EYA1: variants seen among roughly 807,000 people sequenced by gnomAD.
EYA1 encodes the protein EYA transcriptional coactivator and phosphatase 1.
A neutral mutation model predicts 82.0 loss-of-function variants in EYA1; 16 were observed. The ratio of observed to expected loss-of-function variants is 0.20; its 90% CI spans 0.13 to 0.30. EYA1 has a LOEUF of 0.30. EYA1 is among the 10% of genes least tolerant of loss of function. The pLI is 1.00. For missense variants in EYA1, 633 were observed against 730.7 expected (o/e 0.87, Z 1.54); for synonymous variants, 261 against 264.4 (o/e 0.99, Z 0.12).
At chr8:71,242,983 G>A (rs1475028707) in intron 12 of EYA1, among the ~76,000 whole-genome samples, 1 of 151,926 alleles carries the variant, frequency 6.6e-6, no homozygotes, top group African/African-American at 2.4e-5. Context: ...TCTCCATGTT[G>A]GTCGGGATGG....
chr8:71,497,206 T>C (rs1811478515), intron 2 of EYA1, among the ~76,000 whole-genome samples: 1 of 152,188 alleles, frequency 6.6e-6, no homozygotes, highest in African/African-American at 2.4e-5. Flanking sequence ...TAAAGATAGC[T>C]GATGAGCTAA....
intron 2 of EYA1, among the ~76,000 whole-genome samples, chr8:71,535,228 T>G (rs1814623496): frequency 6.6e-6 from 1 of 152,228 alleles, no homozygotes; most frequent in Admixed American, 6.5e-5. Flanking sequence ...GAACCCTTTC[T>G]CTTCTGCTCA....
At position 71,536,128 on chromosome 8, in the gene EYA1, T is replaced by G. The variant is rs149931983; in HGVS notation, c.-72-280A>C. Among the ~76,000 whole-genome samples the G allele has an allele frequency of 7.2e-3, 1,104 of 152,278 alleles. 19 individuals carry two copies. The highest frequency in any genetic ancestry group is 0.025 in the African/African-American group (1,047 of 41,566). ...GGGAGGCAGGGGGAGCAGCTAAAGA[T>G]CCTTCCGCACACATTATTTTTGAGC... On this transcript the variant is annotated intron_variant, in intron 1 of 18. Transcript: ENST00000643681.
chr8:71,360,470 C>T (rs996444724), intron 1 of EYA1, among the ~76,000 whole-genome samples: 1 of 152,142 alleles, frequency 6.6e-6, no homozygotes, highest in Non-Finnish European at 1.5e-5. Context: ...CCATTTGGCC[C>T]TCTAAAACTG....
At chr8:71,333,578 TTC>T (rs986609237) in intron 4 of EYA1, among the ~76,000 whole-genome samples, 1 of 152,240 alleles carries the variant, frequency 6.6e-6, no homozygotes, top group African/African-American at 2.4e-5. Context: ...AACTTGGATA[TTC>T]TGTTTATTGG....
intron 9 of EYA1, among the ~76,000 whole-genome samples, chr8:71,276,881 A>T (rs1184639607): frequency 1.3e-5 from 2 of 152,064 alleles, no homozygotes; most frequent in African/African-American, 4.8e-5. Flanking sequence ...CAGTTTTTTC[A>T]TTTGTAAAAC....
intron 2 of EYA1, among the ~76,000 whole-genome samples, chr8:71,377,809 G>A (rs1192229135): frequency 6.6e-6 from 1 of 152,056 alleles, no homozygotes; most frequent in Non-Finnish European, 1.5e-5. Flanking sequence ...GACTTTGCTA[G>A]GTACCTCACA....
rs997516979 is a variant in EYA1 at position 71,491,907 on chromosome 8, AT to A, written c.33+43836del. Among the ~76,000 whole-genome samples, 651 of 148,780 alleles carry A rather than the reference AT, an allele frequency of 4.4e-3. 3 individuals are homozygous for A. The highest frequency in any genetic ancestry group is 0.014 in the African/African-American group (571 of 40,758). On this transcript the variant is annotated intron_variant, in intron 2 of 18. Transcript: ENST00000643681. ...ATACGGGTATTTAATTAAAATGTAG[AT>A]TTTTTTTTTTAACTTAAGAAGCAAA...
At position 71,484,038 on chromosome 8, in the gene EYA1, T is replaced by C. The variant is rs143132992; in HGVS notation, c.33+51706A>G. 1.3e-3 allele frequency among the ~76,000 whole-genome samples: 193 copies of C among 152,318 alleles called. 1 individual carries two copies. The highest frequency in any genetic ancestry group is 1.8e-3 in the Non-Finnish European group (124 of 68,026). ...TTCACAGACCTGCACAAGCAGCTAC[T>C]GAATTACACTCAGGCCACAGGAGCC... On this transcript the variant is annotated intron_variant, in intron 2 of 18. Coordinates refer to the EYA1 transcript ENST00000643681.
chr8:71,242,568 C>G (rs904590748), intron 12 of EYA1, among the ~76,000 whole-genome samples: 2 of 152,058 alleles, frequency 1.3e-5, no homozygotes, highest in Admixed American at 1.3e-4. Context: ...CTCCTATACC[C>G]TAAAAACCTA....
At chr8:71,271,220 C>T (rs755847995) in intron 10 of EYA1, among the ~76,000 whole-genome samples, 10 of 152,252 alleles carry the variant, frequency 6.6e-5, no homozygotes, top group Non-Finnish European at 8.8e-5. Context: ...GCATGCAATG[C>T]GAAATAAGCA....
chr8:71,396,954 T>G (rs1829658592), intron 2 of EYA1, among the ~76,000 whole-genome samples: 1 of 152,204 alleles, frequency 6.6e-6, no homozygotes, highest in African/African-American at 2.4e-5. Context: ...AGGACTTGCT[T>G]TATGAATCTG....
chr8:71,455,751 G>A (rs1807840629), intron 2 of EYA1, among the ~76,000 whole-genome samples: 3 of 152,112 alleles, frequency 2.0e-5, no homozygotes, highest in African/African-American at 7.2e-5. Context: ...TTGATGGGAT[G>A]GATCTCAAAA....
chr8:71,425,143 C>T (rs923463458), intron 2 of EYA1, among the ~76,000 whole-genome samples: 1 of 143,132 alleles, frequency 7.0e-6, no homozygotes, highest in African/African-American at 2.6e-5. Context: ...ATGAGCCGGG[C>T]GTGGTGGCAG....
chr8:71,222,449 T>C (rs1810046272), intron 12 of EYA1, among the ~76,000 whole-genome samples: 1 of 152,192 alleles, frequency 6.6e-6, no homozygotes, highest in Non-Finnish European at 1.5e-5. Flanking sequence ...GTCTCTCTCT[T>C]CAGAAGTCCC....
chr8:71,493,751 C>T (rs1051436437), intron 2 of EYA1, among the ~76,000 whole-genome samples: 3 of 151,386 alleles, frequency 2.0e-5, no homozygotes, highest in Admixed American at 6.6e-5. Flanking sequence ...TGGCCGGGCG[C>T]GGTGGCTCAC....
intron 6 of EYA1, among the ~76,000 whole-genome samples, chr8:71,321,204 T>C (rs1822498408): frequency 6.6e-6 from 1 of 152,184 alleles, no homozygotes; most frequent in Non-Finnish European, 1.5e-5. Flanking sequence ...CTTAAATGTT[T>C]CCCGATTTGC....
chr8:71,410,771 G>A (rs1830546992), intron 2 of EYA1, among the ~76,000 whole-genome samples: 2 of 150,546 alleles, frequency 1.3e-5, no homozygotes, highest in African/African-American at 4.9e-5. Context: ...TCATGGGGAG[G>A]AAGAATCAAT....
At chr8:71,522,500 A>C (rs935422087) in intron 2 of EYA1, among the ~76,000 whole-genome samples, 3 of 152,228 alleles carry the variant, frequency 2.0e-5, no homozygotes, top group African/African-American at 4.8e-5. Context: ...TAGAACTAAT[A>C]TCTCCAAAGA....
Sources: gnomAD v4.1 joint callset for allele counts (sites outside exome capture counted in the v4.1 genomes callset) on GRCh38, gnomAD v4.1.1 for gene constraint, MANE v1.5 for transcripts, NCBI Gene and HGNC (gene_info 2026-07-23, HGNC 2026-07-21) for gene names.